The following EZH1 variants were observed in gnomAD, a reference collection of about 807,000 sequenced individuals.
The protein encoded by EZH1 is enhancer of zeste 1 polycomb repressive complex 2 subunit.
In EZH1, 33 loss-of-function variants were observed where a neutral mutation model predicts 100.5. The observed-to-expected ratio is 0.33, with a 90% CI of 0.25 to 0.44. EZH1 has a LOEUF of 0.44. Ranked by LOEUF, EZH1 falls within the 20% of genes least tolerant of loss-of-function variation. EZH1 has a pLI of 1.00. For missense variants in EZH1, 475 were observed against 928.4 expected, an observed-to-expected ratio of 0.51 and a Z score of 6.35; for synonymous variants, 272 against 313.8, an observed-to-expected ratio of 0.87 and a Z score of 1.41.
At chr17:42,737,642 T>C (rs2054092245) in intron 1 of EZH1, among the ~76,000 whole-genome samples, 1 of 152,128 alleles carries the variant, frequency 6.6e-6, no homozygotes, top group Admixed American at 6.6e-5. Flanking sequence ...TCTTTCTTTT[T>C]TTTCTTTCTT....
At chr17:42,721,285 T>C (rs4792953) in intron 6 of EZH1, among the ~76,000 whole-genome samples, 100,937 of 152,168 alleles carry the variant, frequency 0.66, 34,917 homozygotes, top group African/African-American at 0.88. Flanking sequence ...TGTTGGTTTA[T>C]GAAGTGATGG....
Position 42,713,317 on chromosome 17 carries a change from G to A in EZH1, c.1096C>T (p.His366Tyr). The change falls in exon 11 of 21, where the codon CAC becomes TAC. Residue 366 changes from histidine to tyrosine, a missense_variant. Physicochemically the swap from His to Tyr is moderately conservative, Grantham distance 83. Transcript: ENST00000428826. The part of the protein sequence containing the change: ...KCSGRRRRRH[H>Y]IVSASCSNAS... ...TTGGAGCAGGAAGCACTGACTATGT[G>A]GTGCCTTCTCCGGCGACGACCAGAG... 6.2e-7 allele frequency: 1 copy of A among 1,613,270 alleles called. No individual in the cohort carries two copies. Among genetic ancestry groups the A allele is most frequent in the Non-Finnish European group, 8.5e-7 (1 of 1,179,270 alleles).
At chr17:42,714,143 T>C (rs2053544593) in intron 10 of EZH1, among the ~76,000 whole-genome samples, 1 of 152,286 alleles carries the variant, frequency 6.6e-6, no homozygotes, top group African/African-American at 2.4e-5. Context: ...TATCACCCCC[T>C]TTTTTAAAAA....
At position 42,708,055 on chromosome 17, in the gene EZH1, G is replaced by A; in HGVS notation, c.1563C>T (p.Tyr521=). Residue 521 remains tyrosine (Y), a synonymous_variant, in exon 15 of 21, where the codon TAC becomes TAT. Coordinates refer to ENST00000428826, the MANE Select transcript of EZH1 (RefSeq NM_001991.5). ...KDNSSTQVYN[Y]QPCDHPDRPC... is the part of the protein sequence containing the mutation. ...GGCGGTCTGGGTGGTCGCAGGGTTG[G>A]TAGTTGTACACTTGTGTGGAAGAGT... 6.2e-7 allele frequency: 1 copy of A among 1,609,318 alleles called. No homozygotes were observed. The highest frequency in any genetic ancestry group is 8.5e-7 in the Non-Finnish European group (1 of 1,178,312).
At chr17:42,712,569 A>C in intron 11 of EZH1, 84 bp from the exon 12 acceptor site, 4 of 1,295,240 alleles carry the variant, frequency 3.1e-6, no homozygotes, top group Non-Finnish European at 4.3e-6. Context: ...GAAGTACTTC[A>C]TTCTACTTTA....
At position 42,714,486 on chromosome 17, in the gene EZH1, C is replaced by T; in HGVS notation, c.1024-1097G>A. ...GTTTGTGCTATGAGACCTAAAGTTC[C>T]TATGAGATTGTCCAAAACAAAAAAG... On this transcript the variant is annotated intron_variant, in intron 10 of 20. Transcript: ENST00000428826. The T allele has an allele frequency of 1.0e-5, 3 of 294,824 alleles. 1 individual carries two copies. Among genetic ancestry groups the T allele is most frequent in the Admixed American group, 9.7e-5 (3 of 30,878 alleles). The allele number at this position is 294,824 out of a possible 1,614,324, so 18.3% of individuals were successfully genotyped here.
chr17:42,704,730 C>A, intron 17 of EZH1, 47 bp from the exon 18 acceptor site: 1 of 1,512,798 alleles, frequency 6.6e-7, no homozygotes, highest in Non-Finnish European at 9.1e-7. Flanking sequence ...GCTGCCTGCT[C>A]AGGGCATGGT....
At chr17:42,736,335 A>G (rs2143872465) in intron 1 of EZH1, among the ~76,000 whole-genome samples, 1 of 152,324 alleles carries the variant, frequency 6.6e-6, no homozygotes, top group South Asian at 2.1e-4. Flanking sequence ...AGAGAATTGA[A>G]AACCTATGTC....
At chr17:42,722,081 G>A (rs890399304) in intron 6 of EZH1, among the ~76,000 whole-genome samples, 1 of 150,216 alleles carries the variant, frequency 6.7e-6, no homozygotes, top group African/African-American at 2.5e-5. Context: ...CCCGGGAGGC[G>A]GAGCTTACAG....
At chr17:42,703,673 A>G in intron 19 of EZH1, 67 bp downstream of exon 19, 1 of 1,149,998 alleles carries the variant, frequency 8.7e-7, no homozygotes, top group Non-Finnish European at 1.3e-6. Context: ...AATGTTCAAC[A>G]ACGAATGGAA....
intron 17 of EZH1, among the ~76,000 whole-genome samples, chr17:42,704,887 A>C (rs2053320338): frequency 6.6e-6 from 1 of 152,204 alleles, no homozygotes; most frequent in Non-Finnish European, 1.5e-5. Flanking sequence ...AGCCCCCCTC[A>C]TCTCTTGTGT....
intron 1 of EZH1, among the ~76,000 whole-genome samples, chr17:42,743,273 G>A (rs959110944): frequency 1.3e-5 from 2 of 150,860 alleles, no homozygotes; most frequent in Non-Finnish European, 2.9e-5. Context: ...CGGTTCAAGC[G>A]ATTCTAATGC....
At position 42,718,384 on chromosome 17, in the gene EZH1, A is replaced by G. The variant is rs2053644993; in HGVS notation, c.931+70T>C. ...CAGGAACTCTATACGAGAAACCAGAACAAAGAGAAGGAAATGGTGGCTGGG... is the reference window on the plus strand; with the variant it reads ...CAGGAACTCTATACGAGAAACCAGAGCAAAGAGAAGGAAATGGTGGCTGGG... On this transcript the variant is annotated intron_variant, in intron 9 of 20. Coordinates refer to ENST00000428826, the MANE Select transcript of EZH1 (RefSeq NM_001991.5). This position sits in a 1 kb window ranked among gnomAD's most constrained non-coding sequence, Gnocchi z 4.2. The G allele has an allele frequency of 1.3e-6, 2 of 1,585,984 alleles. No individual in the cohort carries two copies. Among genetic ancestry groups the G allele is most frequent in the African/African-American group, 2.7e-5 (2 of 74,244 alleles).
At chr17:42,742,554 G>A (rs1385950768) in intron 1 of EZH1, among the ~76,000 whole-genome samples, 1 of 152,120 alleles carries the variant, frequency 6.6e-6, no homozygotes, top group Non-Finnish European at 1.5e-5. Flanking sequence ...TAGCATACAA[G>A]TACTCTGCCA....
At chr17:42,743,328 AC>A (rs1364070418) in intron 1 of EZH1, among the ~76,000 whole-genome samples, 1 of 150,808 alleles carries the variant, frequency 6.6e-6, no homozygotes, top group Non-Finnish European at 1.5e-5. Context: ...GTGCCACCAC[AC>A]CTGATTAATT....
At chr17:42,704,751 C>G in intron 17 of EZH1, 68 bp from the exon 18 acceptor site, 1 of 1,262,136 alleles carries the variant, frequency 7.9e-7, no homozygotes, top group Non-Finnish European at 1.1e-6. Context: ...ACCCTGCCCC[C>G]AGAAAGGGCT....
intron 1 of EZH1, among the ~76,000 whole-genome samples, chr17:42,733,552 A>T (rs1186595117): frequency 6.7e-6 from 1 of 149,962 alleles, no homozygotes; most frequent in Admixed American, 6.7e-5. Context: ...GAGGCAGGAG[A>T]CAGCCGTGAA....
At chr17:42,707,604 A>G (rs987007064) in intron 15 of EZH1, among the ~76,000 whole-genome samples, 2 of 152,040 alleles carry the variant, frequency 1.3e-5, no homozygotes, top group Non-Finnish European at 2.9e-5. Flanking sequence ...CAAGTTGGCC[A>G]CGCTGGTCTT....
chr17:42,714,901 AAT>A (rs2053563108), intron 10 of EZH1, among the ~76,000 whole-genome samples: 1 of 138,422 alleles, frequency 7.2e-6, no homozygotes, highest in Non-Finnish European at 1.5e-5. Flanking sequence ...ATAATATGGA[AAT>A]ATATTATATA....
Sources: gnomAD v4.1 joint callset for allele counts (sites outside exome capture counted in the v4.1 genomes callset) on GRCh38, gnomAD v4.1.1 for gene constraint, Gnocchi (gnomAD v3.1) non-coding constraint, MANE v1.5 for transcripts, NCBI Gene and HGNC (gene_info 2026-07-23, HGNC 2026-07-21) for gene names.